GNG4: variants seen among roughly 807,000 people sequenced by gnomAD.
The protein encoded by GNG4 is guanine nucleotide-binding protein G(I)/G(S)/G(O) subunit gamma-4.
Under a neutral mutation model 5.8 loss-of-function variants are expected in GNG4, and 4 were observed. The observed-to-expected ratio is 0.69, with a 90% CI of 0.34 to 1.57. The LOEUF (loss-of-function observed/expected upper bound fraction) is 1.57. Ranked by LOEUF, GNG4 falls within the 40% of genes most tolerant of loss-of-function variation. GNG4 has a pLI of 0.06. For missense variants in GNG4, 96 were observed against 95.1 expected, an observed-to-expected ratio of 1.01 and a Z score of -0.04; for synonymous variants, 29 against 32.9, an observed-to-expected ratio of 0.88 and a Z score of 0.41.
At position 235,552,118 on chromosome 1, in the gene GNG4, G is replaced by A. The variant is rs774981261; in HGVS notation, c.219C>T (p.Thr73=). 2 of 1,613,590 alleles carry A rather than the reference G, an allele frequency of 1.2e-6. No homozygotes were observed. The highest frequency in any genetic ancestry group is 1.3e-5 in the African/African-American group (1 of 74,910). Residue 73 remains threonine (T), a synonymous_variant, in exon 4 of 4, where the codon ACC becomes ACT. Transcript: ENST00000391854. Reference sequence around the variant, plus strand: ...TTCATCACACACGGAGTTAGAGAATGGTACAAAAGAACTTCTTCTCGCGAA... The same window carrying A: ...TTCATCACACACGGAGTTAGAGAATAGTACAAAAGAACTTCTTCTCGCGAA... ...NPFREKKFFC[T]IL
intron 3 of GNG4, among the ~76,000 whole-genome samples, chr1:235,567,409 C>T (rs1005557699): frequency 3.1e-4 from 47 of 152,176 alleles, no homozygotes; most frequent in African/African-American, 8.2e-4. Context: ...ACTATCAGTA[C>T]CATCCGTCTC....
intron 1 of GNG4, among the ~76,000 whole-genome samples, chr1:235,597,628 G>GTGTGTGTGTGTT (rs772061855): frequency 1.4e-5 from 1 of 72,454 alleles, no homozygotes; most frequent in Non-Finnish European, 2.9e-5. Flanking sequence ...GTGTGTGTGT[G>GTGTGTGTGTGTT]TATTTTTTTT....
chr1:235,630,632 G>C (rs1688912400), intron 1 of GNG4, among the ~76,000 whole-genome samples: 1 of 152,204 alleles, frequency 6.6e-6, no homozygotes, highest in Non-Finnish European at 1.5e-5. Context: ...GCTGCCCCAG[G>C]AATGACCAGA....
chr1:235,597,587 G>T (rs1225491364), intron 1 of GNG4, among the ~76,000 whole-genome samples: 2 of 83,612 alleles, frequency 2.4e-5, no homozygotes, highest in Non-Finnish European at 4.4e-5. Context: ...TAACTTGTTT[G>T]CTGTGTGTGT....
chr1:235,594,903 G>T (rs1688085283), intron 2 of GNG4, among the ~76,000 whole-genome samples: 1 of 152,218 alleles, frequency 6.6e-6, no homozygotes, highest in Admixed American at 6.5e-5. Context: ...GGCGCCGAGA[G>T]CGAGCAAGGG....
At chr1:235,560,643 G>A (rs890558005) in intron 3 of GNG4, among the ~76,000 whole-genome samples, 1 of 152,186 alleles carries the variant, frequency 6.6e-6, no homozygotes, top group African/African-American at 2.4e-5. Flanking sequence ...CAGACACGAA[G>A]AAGTTTCTCA....
intron 1 of GNG4, among the ~76,000 whole-genome samples, chr1:235,631,017 G>A (rs992288765): frequency 5.3e-5 from 8 of 151,864 alleles, no homozygotes; most frequent in African/African-American, 1.9e-4. Flanking sequence ...TCCTGCCTCA[G>A]CCTCCTAAGT....
rs1293587930 is a variant in GNG4, at chr1:235,582,207, C to G, written c.99+1533G>C. On this transcript the variant is annotated intron_variant, in intron 3 of 3. Coordinates refer to ENST00000391854, the MANE Select transcript of GNG4 (RefSeq NM_001098722.2). ...CTCAGAGCTTCAACTACCTCCTCAC[C>G]TCTGACAACTCCGTCTATTGCTTAC... Among the ~76,000 whole-genome samples the G allele has an allele frequency of 3.9e-5, 6 of 152,240 alleles. No homozygotes were observed. The East Asian group carries it at 1.2e-3, about 29-fold the overall frequency.
At chr1:235,596,737 A>AT (rs1490270125) in intron 1 of GNG4, among the ~76,000 whole-genome samples, 2 of 151,720 alleles carry the variant, frequency 1.3e-5, no homozygotes, top group Non-Finnish European at 2.9e-5. Context: ...TTTAATATTT[A>AT]TTTTTTGAGA....
intron 1 of GNG4, among the ~76,000 whole-genome samples, chr1:235,623,186 T>G (rs1440296502): frequency 2.0e-5 from 3 of 152,146 alleles, no homozygotes; most frequent in African/African-American, 7.2e-5. Context: ...TTAGCCTGCA[T>G]GCAGCCACCA....
intron 3 of GNG4, among the ~76,000 whole-genome samples, chr1:235,564,725 G>A (rs546519742): frequency 6.6e-6 from 1 of 152,298 alleles, no homozygotes; most frequent in Non-Finnish European, 1.5e-5. Context: ...TAGCTCTGTT[G>A]CCCAGGCTGG....
At position 235,552,209 on chromosome 1, in the gene GNG4, G is replaced by T. The variant is rs749358508; in HGVS notation, c.128C>A (p.Ala43Asp). The T allele has an allele frequency of 1.9e-6, 3 of 1,613,932 alleles. No homozygotes were observed. The highest frequency in any genetic ancestry group is 1.7e-5 in the Admixed American group (1 of 60,032). The change falls in exon 4 of 4, where the codon GCC becomes GAC. Residue 43 changes from alanine to aspartate, a missense_variant. Physicochemically the swap from Ala to Asp is moderately radical, Grantham distance 126. Coordinates refer to ENST00000391854, the MANE Select transcript of GNG4 (RefSeq NM_001098722.2). ...KVSQAAADLL[A>D]YCEAHVREDP... ...TTCCCGCACGTGAGCTTCACAGTAG[G>T]CCAGGAGGTCCGCAGCTGCCTGGGA...
At chr1:235,594,219 C>A (rs951140609) in intron 2 of GNG4, among the ~76,000 whole-genome samples, 2 of 152,154 alleles carry the variant, frequency 1.3e-5, no homozygotes, top group Non-Finnish European at 2.9e-5. Context: ...ATTCACAAAC[C>A]CTGCAAACCC....
At chr1:235,583,918 C>T in intron 2 of GNG4, 70 bp from the exon 3 acceptor site, 2 of 858,998 alleles carry the variant, frequency 2.3e-6, no homozygotes, top group African/African-American at 1.7e-5. Flanking sequence ...CACCTCCCAC[C>T]ACCTACAGCT....
chr1:235,603,969 C>T (rs146857879), intron 1 of GNG4, among the ~76,000 whole-genome samples: 4 of 152,224 alleles, frequency 2.6e-5, no homozygotes, highest in East Asian at 1.9e-4. Flanking sequence ...GGACCCTTCA[C>T]GCTATCCACT....
intron 2 of GNG4, among the ~76,000 whole-genome samples, chr1:235,594,873 G>C (rs1220760929): frequency 6.6e-6 from 1 of 152,208 alleles, no homozygotes; most frequent in African/African-American, 2.4e-5. Flanking sequence ...TGCTGCCAAA[G>C]TGGGAGCCCA....
chr1:235,579,274 T>C (rs74675634), intron 3 of GNG4, among the ~76,000 whole-genome samples: 4,840 of 152,186 alleles, frequency 0.032, 207 homozygotes, highest in African/African-American at 0.094. Flanking sequence ...TTAAATGGCT[T>C]GACTTAGCCA....
chr1:235,556,100 C>T (rs1235466829), intron 3 of GNG4, among the ~76,000 whole-genome samples: 1 of 151,850 alleles, frequency 6.6e-6, no homozygotes, highest in Non-Finnish European at 1.5e-5. Context: ...CTCCTGACCT[C>T]AGGTGATCTG....
intron 1 of GNG4, among the ~76,000 whole-genome samples, chr1:235,645,943 C>T (rs568854002): frequency 6.6e-6 from 1 of 152,202 alleles, no homozygotes; most frequent in East Asian, 1.9e-4. Flanking sequence ...GTACATTAGG[C>T]AGGGGCACCA....
Sources: allele counts gnomAD v4.1 joint callset (sites outside exome capture counted in the v4.1 genomes callset), GRCh38; gene constraint gnomAD v4.1.1; transcripts MANE v1.5; gene names NCBI Gene and HGNC (gene_info 2026-07-23, HGNC 2026-07-21).